The following ROBO1 variants were observed in gnomAD, a reference collection of about 807,000 sequenced individuals.
ROBO1 encodes roundabout homolog 1.
In ROBO1, 149 loss-of-function variants were observed where a neutral mutation model predicts 195.9. The ratio of observed to expected loss-of-function variants is 0.76; its 90% CI spans 0.67 to 0.87. The LOEUF is 0.87. Ranked by LOEUF, ROBO1 falls within the 40% of genes least tolerant of loss-of-function variation. ROBO1 has a pLI of 0.00. For synonymous variants in ROBO1, 816 were observed against 733.2 expected, an observed-to-expected ratio of 1.11 and a Z score of -1.82; for missense variants, 1,933 against 2,068.3, an observed-to-expected ratio of 0.93 and a Z score of 1.27.
At chr3:79,708,266 TGAG>T (rs1316765787) in intron 1 of ROBO1, among the ~76,000 whole-genome samples, 1 of 152,170 alleles carries the variant, frequency 6.6e-6, no homozygotes, top group Non-Finnish European at 1.5e-5. Flanking sequence ...CTTTACAGAC[TGAG>T]AAGATAACTA....
chr3:79,723,737 G>T (rs186702160), intron 1 of ROBO1, among the ~76,000 whole-genome samples: 368 of 152,138 alleles, frequency 2.4e-3, no homozygotes, highest in Non-Finnish European at 4.6e-3. Flanking sequence ...AGAAGTAGAA[G>T]AAAATAGTTC....
At chr3:79,116,681 C>A (rs1418765699) in intron 3 of ROBO1, among the ~76,000 whole-genome samples, 1 of 151,868 alleles carries the variant, frequency 6.6e-6, no homozygotes, top group Admixed American at 6.6e-5. Context: ...CCACGCCCAG[C>A]TAATTTTTGT....
chr3:78,727,603 C>T (rs1004081321), intron 5 of ROBO1, among the ~76,000 whole-genome samples: 5 of 152,096 alleles, frequency 3.3e-5, no homozygotes, highest in East Asian at 1.9e-4. Flanking sequence ...CCAGCCTGGG[C>T]GACAGAGCGA....
Position 78,922,592 on chromosome 3 carries a change from CCTTCTT to C in ROBO1, c.499+16003_499+16008del, listed in dbSNP as rs1041351099. Among the ~76,000 whole-genome samples, 489 of 146,824 alleles carry C rather than the reference CCTTCTT, an allele frequency of 3.3e-3. 4 individuals carry two copies. Among genetic ancestry groups the C allele is most frequent in the African/African-American group, 0.012 (470 of 38,710 alleles). The stretch of plus-strand genomic sequence containing the variant: ...AACCACTGTCTGATTTTCTTCTTCT[CCTTCTT>C]CTTCTTCTTTTTTTTTTTTTTTTTT... On this transcript the variant is annotated intron_variant, in intron 4 of 30. Coordinates refer to ENST00000464233, the MANE Select transcript of ROBO1 (RefSeq NM_002941.4).
chr3:79,049,800 G>T (rs565233023), intron 3 of ROBO1, among the ~76,000 whole-genome samples: 1 of 152,162 alleles, frequency 6.6e-6, no homozygotes, highest in South Asian at 2.1e-4. Flanking sequence ...GCCAAACTAA[G>T]CTTCATAAGT....
chr3:79,283,203 T>C (rs1452592664), intron 2 of ROBO1, among the ~76,000 whole-genome samples: 2 of 152,160 alleles, frequency 1.3e-5, no homozygotes, highest in Non-Finnish European at 2.9e-5. Flanking sequence ...GGACACTAAG[T>C]ACTGAGTACT....
At chr3:78,898,380 GTT>G (rs773377988) in intron 4 of ROBO1, among the ~76,000 whole-genome samples, 30 of 101,024 alleles carry the variant, frequency 3.0e-4, no homozygotes, top group African/African-American at 9.2e-4. Flanking sequence ...GATAGATAGG[GTT>G]TTTTTTTTTT....
intron 5 of ROBO1, among the ~76,000 whole-genome samples, chr3:78,736,327 T>C (rs1038435970): frequency 6.6e-6 from 1 of 152,166 alleles, no homozygotes; most frequent in Non-Finnish European, 1.5e-5. Context: ...AGGTGGACTT[T>C]CATATGTTTT....
chr3:79,649,893 T>A (rs1945949931), intron 1 of ROBO1, among the ~76,000 whole-genome samples: 3 of 152,070 alleles, frequency 2.0e-5, no homozygotes, highest in African/African-American at 7.2e-5. Flanking sequence ...TCTATCCATC[T>A]TATTGGTTCT....
At chr3:78,774,794 T>C (rs1361290353) in intron 4 of ROBO1, among the ~76,000 whole-genome samples, 2 of 152,164 alleles carry the variant, frequency 1.3e-5, no homozygotes, top group African/African-American at 4.8e-5. Flanking sequence ...TGTGACTCTA[T>C]TTACTATGTA....
intron 1 of ROBO1, among the ~76,000 whole-genome samples, chr3:79,759,315 G>A (rs2107512952): frequency 6.6e-6 from 1 of 152,222 alleles, no homozygotes; most frequent in Non-Finnish European, 1.5e-5. Context: ...ATATTTTTGA[G>A]TGCTTATTCA....
At chr3:79,104,745 C>G (rs553280605) in intron 3 of ROBO1, among the ~76,000 whole-genome samples, 4 of 151,702 alleles carry the variant, frequency 2.6e-5, no homozygotes, top group Non-Finnish European at 5.9e-5. Flanking sequence ...AGTCCATGCT[C>G]CTTGATAGCA....
At chr3:79,424,340 T>A (rs1283209439) in intron 2 of ROBO1, among the ~76,000 whole-genome samples, 1 of 152,126 alleles carries the variant, frequency 6.6e-6, no homozygotes, top group Non-Finnish European at 1.5e-5. Context: ...TGTTTCACAC[T>A]GAATATGACC....
chr3:79,446,706 C>T (rs1288170679), intron 2 of ROBO1, among the ~76,000 whole-genome samples: 1 of 152,080 alleles, frequency 6.6e-6, no homozygotes, highest in African/African-American at 2.4e-5. Context: ...ATATTTGGGG[C>T]CATATCAGTA....
chr3:79,144,305 A>T (rs909473196), intron 2 of ROBO1, among the ~76,000 whole-genome samples: 1 of 152,106 alleles, frequency 6.6e-6, no homozygotes, highest in Non-Finnish European at 1.5e-5. Context: ...AGATTTTAAA[A>T]GCCACACATA....
intron 4 of ROBO1, among the ~76,000 whole-genome samples, chr3:78,769,543 A>T (rs1439101372): frequency 1.4e-5 from 2 of 144,876 alleles, no homozygotes; most frequent in East Asian, 4.1e-4. Context: ...CATTTAGGCC[A>T]TTTACATTCA....
intron 3 of ROBO1, chr3:79,018,934 C>A (rs2078029975): frequency 4.0e-6 from 4 of 987,762 alleles, no homozygotes; most frequent in Non-Finnish European, 3.6e-6. Flanking sequence ...CGAGCCCAGT[C>A]AGCAGCGGGC....
intron 1 of ROBO1, among the ~76,000 whole-genome samples, chr3:79,638,297 T>C (rs1297796780): frequency 6.6e-6 from 1 of 152,250 alleles, no homozygotes; most frequent in Admixed American, 6.5e-5. Flanking sequence ...TGATTTTCCC[T>C]ACAGTGATTC....
rs544809812 is a variant in ROBO1, at chr3:78,893,887, A to G, written c.499+44714T>C. On this transcript the variant is annotated intron_variant, in intron 4 of 30. Coordinates refer to ENST00000464233, the MANE Select transcript of ROBO1 (RefSeq NM_002941.4). ...ATGAATTAGTATAGGAAAGACCACAAAAGGCTGCTGCTCCTTTCTTCATTC... is the reference window on the plus strand; with the variant it reads ...ATGAATTAGTATAGGAAAGACCACAGAAGGCTGCTGCTCCTTTCTTCATTC... Among the ~76,000 whole-genome samples the G allele has an allele frequency of 5.3e-5, 8 of 152,280 alleles. No homozygotes were observed. The South Asian group carries it at 1.4e-3, about 28-fold the overall frequency.
Sources: allele counts gnomAD v4.1 joint callset (sites outside exome capture counted in the v4.1 genomes callset), GRCh38; gene constraint gnomAD v4.1.1; transcripts MANE v1.5; gene names NCBI Gene and HGNC (gene_info 2026-07-23, HGNC 2026-07-21).